The following FNDC8 variants were observed in gnomAD, a reference collection of about 807,000 sequenced individuals.
FNDC8 encodes the protein fibronectin type III domain-containing protein 8.
Under a neutral mutation model 24.8 loss-of-function variants are expected in FNDC8, and 23 were observed. That is an observed-to-expected ratio of 0.93 (90% CI 0.67 to 1.31). The LOEUF (loss-of-function observed/expected upper bound fraction) is 1.31. Ranked by LOEUF, FNDC8 falls within the 40% of genes most tolerant of loss-of-function variation. The pLI is 0.00. For missense variants in FNDC8, 371 were observed against 398.2 expected (o/e 0.93, Z 0.58); for synonymous variants, 158 against 165.3 (o/e 0.96, Z 0.34).
In FNDC8 at chr17:35,121,986, CCT is replaced by C. The variant is rs1491353286; in HGVS notation, c.209+85_209+86del. 2,293 of 835,748 alleles carry C rather than the reference CCT, an allele frequency of 2.7e-3. 45 individuals carry two copies. The African/African-American group carries it at 0.063, about 23-fold the overall frequency. The allele number at this position is 835,748 out of a possible 1,614,324, so 51.8% of individuals were successfully genotyped here. On this transcript the variant is annotated intron_variant, in intron 1 of 3. Transcript: ENST00000158009. ...TCCTTCCTCCCTTCCTTCCTTCCTTCCTTTTTTTTTTTTTTTTTGACAGGATC... is the reference window on the plus strand; with the variant it reads ...TCCTTCCTCCCTTCCTTCCTTCCTTCTTTTTTTTTTTTTTTTGACAGGATC...
chr17:35,130,659 C>G lies in FNDC8; in HGVS notation c.*225C>G, dbSNP rs1262386925. Reference sequence around the variant, plus strand: ...TGCCAGGCTCAGCCACTGCCCACAGCTGCTAGACTCCCTCCTCCTCCAAAT... The same window carrying G: ...TGCCAGGCTCAGCCACTGCCCACAGGTGCTAGACTCCCTCCTCCTCCAAAT... On this transcript the variant is annotated 3_prime_UTR_variant, in exon 4 of 4. Transcript: ENST00000158009. 1 of 540,814 alleles carries G rather than the reference C, an allele frequency of 1.8e-6. No individual in the cohort carries two copies. The highest frequency in any genetic ancestry group is 1.9e-5 in the African/African-American group (1 of 52,806). 33.5% of individuals were successfully genotyped at this position (540,814 alleles called of 1,614,324 possible).
At chr17:35,127,706 C>T (rs1326569022) in intron 2 of FNDC8, among the ~76,000 whole-genome samples, 1 of 152,176 alleles carries the variant, frequency 6.6e-6, no homozygotes, top group Non-Finnish European at 1.5e-5. Context: ...GTAGAGGTAG[C>T]ATGTAAACAT....
rs1397670451 is a variant in FNDC8 at position 35,129,600 on chromosome 17, G to A, written c.764G>A (p.Cys255Tyr). The A allele has an allele frequency of 1.2e-6, 2 of 1,614,188 alleles. No homozygotes were observed. The highest frequency in any genetic ancestry group is 2.2e-5 in the South Asian group (2 of 91,086). ...GAGCTAAAGCCTAACACGTGTTACT[G>A]CCTCAGTGTCCGTGCAGCCAACACA... ...LMELKPNTCY[C>Y]LSVRAANTAG... The change falls in exon 3 of 4, where the codon TGC (cysteine) becomes TAC (tyrosine). Residue 255 changes from cysteine (C) to tyrosine (Y), a missense_variant. Physicochemically the swap from Cys to Tyr is radical, Grantham distance 194 (BLOSUM62 -2). Transcript: ENST00000158009.
At position 35,121,878 on chromosome 17, in the gene FNDC8, T is replaced by C. The variant is rs1370348952; in HGVS notation, c.185T>C (p.Leu62Ser). The C allele has an allele frequency of 1.9e-6, 3 of 1,613,570 alleles. No homozygotes were observed. Among genetic ancestry groups the C allele is most frequent in the Non-Finnish European group, 2.5e-6 (3 of 1,179,910 alleles). The change falls in exon 1 of 4, where the codon TTG becomes TCG. Residue 62 changes from leucine (L) to serine (S), a missense_variant. Coordinates refer to ENST00000158009, the MANE Select transcript of FNDC8 (RefSeq NM_017559.4). The part of the protein sequence containing the change: ...LASKGNLVNF[L>S]EDDTINLLKP... The stretch of plus-strand genomic sequence containing the variant: ...TCAAAGGGCAATTTGGTCAACTTCT[T>C]GGAGGATGATACCATCAACCTACTG...
At chr17:35,123,741 T>C (rs1026666836) in intron 1 of FNDC8, among the ~76,000 whole-genome samples, 28 of 144,440 alleles carry the variant, frequency 1.9e-4, no homozygotes, top group African/African-American at 7.3e-4. Context: ...CAAGGCTCCA[T>C]AAAAAAAACA....
At chr17:35,129,895 T>G (rs2091866153) in intron 3 of FNDC8, 1 of 1,398,396 alleles carries the variant, frequency 7.2e-7, no homozygotes, top group African/African-American at 1.4e-5. Context: ...CACTATAATG[T>G]TCCCCTTCCA....
chr17:35,130,717 T>C lies in FNDC8; in HGVS notation c.*283T>C, dbSNP rs144114128. On this transcript the variant is annotated 3_prime_UTR_variant, in exon 4 of 4. Transcript: ENST00000158009. ...GGGTCTAGGTCCCTCATTAAAGAAC[T>C]GCAGGTCATCCAGCACCCTAAAGTC... 7.6e-6 allele frequency: 3 copies of C among 394,204 alleles called. No individual in the cohort carries two copies. The highest frequency in any genetic ancestry group is 1.4e-5 in the Non-Finnish European group (3 of 216,570). The allele number at this position is 394,204 out of a possible 1,614,324, so 24.4% of individuals were successfully genotyped here. A position where few individuals can be genotyped will look rare whatever the true frequency, so the allele number is the denominator to read the frequency against.
rs1203234745 is a variant in FNDC8, at chr17:35,129,245, T to G, written c.586-177T>G. The G allele has an allele frequency of 1.7e-5, 13 of 771,028 alleles. No homozygotes were observed. In the South Asian group the frequency reaches 2.0e-4, roughly 12 times the overall value. The allele number at this position is 771,028 out of a possible 1,614,324, so 47.8% of individuals were successfully genotyped here. On this transcript the variant is annotated intron_variant, in intron 2 of 3. Transcript: ENST00000158009. ...GGCTGCCCAGGAGAGTAGTACATGCTTCGGGGCAGGGGTTCCACACTCAGT... is the reference window on the plus strand; with the variant it reads ...GGCTGCCCAGGAGAGTAGTACATGCGTCGGGGCAGGGGTTCCACACTCAGT...
chr17:35,122,324 G>A (rs1597881567), intron 1 of FNDC8, among the ~76,000 whole-genome samples: 1 of 149,782 alleles, frequency 6.7e-6, no homozygotes. Context: ...TTATAGGCTT[G>A]AGCCACCATG....
At chr17:35,125,369 T>A (rs1257912864) in intron 1 of FNDC8, among the ~76,000 whole-genome samples, 1 of 146,244 alleles carries the variant, frequency 6.8e-6, no homozygotes, top group Non-Finnish European at 1.5e-5. Flanking sequence ...AGCCTGGGAG[T>A]TTGTGCCACT....
chr17:35,124,300 C>T (rs1253825127), intron 1 of FNDC8, among the ~76,000 whole-genome samples: 4 of 152,194 alleles, frequency 2.6e-5, no homozygotes, highest in African/African-American at 9.6e-5. Flanking sequence ...AAGGCCAAGG[C>T]GGGCAGACCA....
chr17:35,129,425 T>G lies in FNDC8; in HGVS notation c.589T>G (p.Ser197Ala), dbSNP rs931302218. The G allele has an allele frequency of 1.9e-6, 3 of 1,613,240 alleles. No individual in the cohort carries two copies. Among genetic ancestry groups the G allele is most frequent in the Non-Finnish European group, 2.5e-6 (3 of 1,179,388 alleles). The change falls in exon 3 of 4, where the codon TCC (serine) becomes GCC (alanine). Residue 197 changes from serine to alanine, a missense_variant. Transcript: ENST00000158009. Reference sequence around the variant, plus strand: ...TCGGGGCTCTCTCTTCCCCTAGATTTCCTGGACCTACGCCTTGGGCAAGCA... The same window carrying G: ...TCGGGGCTCTCTCTTCCCCTAGATTGCCTGGACCTACGCCTTGGGCAAGCA... The part of the protein sequence containing the change: ...HTVNNSTAVI[S>A]WTYALGKQPV...
At chr17:35,125,366 G>C (rs531426437) in intron 1 of FNDC8, among the ~76,000 whole-genome samples, 2 of 152,054 alleles carry the variant, frequency 1.3e-5, no homozygotes, top group Non-Finnish European at 2.9e-5. Flanking sequence ...TTGAGCCTGG[G>C]AGTTTGTGCC....
At position 35,130,270 on chromosome 17, in the gene FNDC8, G is replaced by T. The variant is rs1176344398; in HGVS notation, c.823-12G>T. The T allele has an allele frequency of 5.0e-6, 8 of 1,612,686 alleles. No individual in the cohort carries two copies. Among genetic ancestry groups the T allele is most frequent in the Non-Finnish European group, 6.8e-6 (8 of 1,179,298 alleles). ...GGAAGGAACTCTGAAGGGTTTTCTT[G>T]TTTCACTTCAGTTTGCAACCCTGGC... On this transcript the variant is annotated splice_polypyrimidine_tract_variant and intron_variant, in intron 3 of 3. Coordinates refer to ENST00000158009, the MANE Select transcript of FNDC8 (RefSeq NM_017559.4).
chr17:35,127,801 G>A (rs1173532403), intron 2 of FNDC8, among the ~76,000 whole-genome samples: 1 of 152,204 alleles, frequency 6.6e-6, no homozygotes, highest in Non-Finnish European at 1.5e-5. Context: ...ATCTCAATTT[G>A]AACAAGATGG....
rs5820100 is a variant in FNDC8 at position 35,122,210 on chromosome 17, A to ATT, written c.209+318_209+319dup. ...TATATATATATATATATATATATAA[A>ATT]TTTTTTTTTTTGGTAGAAACGGGGT... On this transcript the variant is annotated intron_variant, in intron 1 of 3. Coordinates refer to ENST00000158009, the MANE Select transcript of FNDC8 (RefSeq NM_017559.4). Among the ~76,000 whole-genome samples the ATT allele has an allele frequency of 7.4e-4, 33 of 44,774 alleles. 1 individual carries two copies. Among genetic ancestry groups the ATT allele is most frequent in the East Asian group, 2.9e-3 (3 of 1,032 alleles). The allele number at this position is 44,774 out of a possible 152,430, so 29.4% of individuals were successfully genotyped here. A position where few individuals can be genotyped will look rare whatever the true frequency, so the allele number is the denominator to read the frequency against.
At chr17:35,126,371 A>G (rs1473734334) in intron 1 of FNDC8, among the ~76,000 whole-genome samples, 1 of 152,122 alleles carries the variant, frequency 6.6e-6, no homozygotes, top group Admixed American at 6.6e-5. Flanking sequence ...TATTACTTCC[A>G]TACCCCAGTA....
At position 35,129,649 on chromosome 17, in the gene FNDC8, G is replaced by A. The variant is rs2091864476; in HGVS notation, c.813G>A (p.Lys271=). The stretch of plus-strand genomic sequence containing the variant: ...CAGCTGGGGTGGGGAAGTGGTGCAA[G>A]CCCTACAAAGTGAGCCCTGGGAAAA... ...ANTAGVGKWC[K]PYKFATLATD... Residue 271 remains lysine (K), a synonymous_variant, in exon 3 of 4, where the codon AAG becomes AAA. Coordinates refer to ENST00000158009, the MANE Select transcript of FNDC8 (RefSeq NM_017559.4). 2.5e-6 allele frequency: 4 copies of A among 1,613,738 alleles called. No individual in the cohort carries two copies. Among genetic ancestry groups the A allele is most frequent in the Admixed American group, 3.3e-5 (2 of 59,962 alleles).
chr17:35,123,236 T>G (rs1597882008), intron 1 of FNDC8, among the ~76,000 whole-genome samples: 1 of 152,196 alleles, frequency 6.6e-6, no homozygotes, highest in East Asian at 1.9e-4. Flanking sequence ...TACTTCAATT[T>G]GCACTGGGCT....
Sources: allele counts gnomAD v4.1 joint callset (sites outside exome capture counted in the v4.1 genomes callset), GRCh38; gene constraint gnomAD v4.1.1; transcripts MANE v1.5; gene names NCBI Gene and HGNC (gene_info 2026-07-23, HGNC 2026-07-21).